The following MALRD1 variants were observed in gnomAD, a reference collection of about 807,000 sequenced individuals.
The protein encoded by MALRD1 is MAM and LDL receptor class A domain containing 1.
A neutral mutation model predicts 242.1 loss-of-function variants in MALRD1; 247 were observed. That is an observed-to-expected ratio of 1.02 (90% CI 0.92 to 1.13). The LOEUF is 1.13. MALRD1 is among the 50% of genes most tolerant of loss of function. The pLI, the probability that MALRD1 is intolerant of heterozygous loss-of-function variation, is 0.00. For synonymous variants in MALRD1, 995 were observed against 866.6 expected (o/e 1.15, Z -2.60); for missense variants, 2,989 against 2,533.1 (o/e 1.18, Z -3.86).
chr10:19,081,817 G>T (rs1041564667), intron 2 of MALRD1, among the ~76,000 whole-genome samples: 1 of 151,828 alleles, frequency 6.6e-6, no homozygotes. Flanking sequence ...TTCATATAGC[G>T]ATTTCAGCTT....
chr10:19,377,326 C>A (rs934337626), intron 26 of MALRD1, among the ~76,000 whole-genome samples: 17 of 152,058 alleles, frequency 1.1e-4, no homozygotes, highest in Non-Finnish European at 1.6e-4. Context: ...AATAATATAA[C>A]ATTTTATTAC....
At chr10:19,338,859 ATG>A (rs992769435) in intron 24 of MALRD1, among the ~76,000 whole-genome samples, 2 of 150,626 alleles carry the variant, frequency 1.3e-5, no homozygotes, top group Non-Finnish European at 3.0e-5. Flanking sequence ...TTCTAACTAT[ATG>A]TATATATATA....
chr10:19,065,681 T>C (rs1293751432), intron 1 of MALRD1, among the ~76,000 whole-genome samples: 1 of 152,206 alleles, frequency 6.6e-6, no homozygotes, highest in Non-Finnish European at 1.5e-5. Flanking sequence ...TCATAGACAT[T>C]ACATGGGTAG....
intron 4 of MALRD1, among the ~76,000 whole-genome samples, chr10:19,103,212 C>G (rs924448332): frequency 5.9e-5 from 9 of 151,896 alleles, no homozygotes; most frequent in Non-Finnish European, 8.8e-5. Context: ...TAGATAATGG[C>G]AGAAAATGTG....
At chr10:19,292,321 A>G (rs766963834) in intron 21 of MALRD1, among the ~76,000 whole-genome samples, 2 of 152,110 alleles carry the variant, frequency 1.3e-5, no homozygotes, top group Non-Finnish European at 2.9e-5. Flanking sequence ...CAAAACAAAA[A>G]CACACATACC....
intron 34 of MALRD1, among the ~76,000 whole-genome samples, chr10:19,605,934 AT>A (rs1267077386): frequency 6.6e-6 from 1 of 151,972 alleles, no homozygotes; most frequent in Non-Finnish European, 1.5e-5. Context: ...GAAGCTCAAT[AT>A]TTTTTTTGTG....
rs1037494521 is a variant in MALRD1, at chr10:19,186,166, A to T, written c.1951+10838A>T. 2.6e-5 allele frequency among the ~76,000 whole-genome samples: 4 copies of T among 152,324 alleles called. No homozygotes were observed. In the East Asian group the frequency reaches 5.8e-4, roughly 22 times the overall value. On this transcript the variant is annotated intron_variant, in intron 14 of 39. Transcript: ENST00000454679. ...TTGGTAAATAAGTCTCTGTAGGGAA[A>T]AAAGGCTATCTAGTTATTTTTCCTT...
intron 26 of MALRD1, among the ~76,000 whole-genome samples, chr10:19,372,664 C>T (rs1391266197): frequency 6.6e-6 from 1 of 151,888 alleles, no homozygotes; most frequent in Non-Finnish European, 1.5e-5. Flanking sequence ...GATGGGGTTT[C>T]ACCATGTTGG....
At chr10:19,445,476 C>T (rs182881810) in intron 28 of MALRD1, among the ~76,000 whole-genome samples, 58 of 152,302 alleles carry the variant, frequency 3.8e-4, no homozygotes, top group African/African-American at 1.4e-3. Flanking sequence ...ATGATGGTGA[C>T]ATACAGATGG....
intron 36 of MALRD1, among the ~76,000 whole-genome samples, chr10:19,630,686 T>C (rs1415177578): frequency 6.6e-6 from 1 of 152,120 alleles, no homozygotes; most frequent in Non-Finnish European, 1.5e-5. Context: ...TTTGCTATTG[T>C]TTATGGATTT....
intron 4 of MALRD1, among the ~76,000 whole-genome samples, chr10:19,094,544 C>A (rs1333890927): frequency 1.3e-5 from 2 of 151,482 alleles, no homozygotes; most frequent in African/African-American, 2.4e-5. Context: ...GCAGAAATCA[C>A]CCGTCTTCTG....
intron 33 of MALRD1, among the ~76,000 whole-genome samples, chr10:19,591,964 A>G (rs1837812334): frequency 6.6e-6 from 1 of 152,242 alleles, no homozygotes; most frequent in Admixed American, 6.5e-5. Flanking sequence ...GGTTAAAACA[A>G]GAGATAAAAG....
intron 10 of MALRD1, 126 bp downstream of exon 10, chr10:19,136,907 T>G: frequency 1.8e-6 from 1 of 560,074 alleles, no homozygotes; most frequent in Non-Finnish European, 2.7e-6. Context: ...AAATATGCAT[T>G]ATCGCTCTGA....
intron 17 of MALRD1, among the ~76,000 whole-genome samples, chr10:19,207,343 A>G (rs1836828231): frequency 6.6e-6 from 1 of 152,118 alleles, no homozygotes; most frequent in Non-Finnish European, 1.5e-5. Flanking sequence ...TTACCCTAGA[A>G]ATTTAGATAG....
intron 38 of MALRD1, among the ~76,000 whole-genome samples, chr10:19,702,381 A>C (rs1228968679): frequency 6.6e-6 from 1 of 152,156 alleles, no homozygotes; most frequent in Non-Finnish European, 1.5e-5. Flanking sequence ...CATATATTGG[A>C]TACCAGGCAA....
intron 28 of MALRD1, among the ~76,000 whole-genome samples, chr10:19,424,645 C>G (rs114722775): frequency 0.015 from 2,309 of 152,246 alleles, 64 homozygotes; most frequent in African/African-American, 0.053. Flanking sequence ...TAAATGTGTT[C>G]ATTGCTTTTG....
intron 21 of MALRD1, among the ~76,000 whole-genome samples, chr10:19,294,283 G>C (rs996261875): frequency 1.3e-5 from 2 of 152,066 alleles, no homozygotes; most frequent in African/African-American, 4.8e-5. Flanking sequence ...AAATTTGTAG[G>C]AAAAACGTTT....
intron 28 of MALRD1, among the ~76,000 whole-genome samples, chr10:19,440,531 C>G (rs1335377468): frequency 1.3e-5 from 2 of 152,046 alleles, no homozygotes. Context: ...GTGTGATGTT[C>G]CCCACCCTGT....
At chr10:19,555,620 T>C (rs3852476) in intron 32 of MALRD1, among the ~76,000 whole-genome samples, 16,157 of 152,066 alleles carry the variant, frequency 0.11, 2,618 homozygotes, top group African/African-American at 0.35. Context: ...ACAGAGGAAA[T>C]GTGTAGGGGA....
Sources: gnomAD v4.1 joint callset for allele counts (sites outside exome capture counted in the v4.1 genomes callset) on GRCh38, gnomAD v4.1.1 for gene constraint, MANE v1.5 for transcripts, NCBI Gene and HGNC (gene_info 2026-07-23, HGNC 2026-07-21) for gene names.